The following EDIL3 variants were observed in gnomAD, a reference collection of about 807,000 sequenced individuals.
EDIL3 encodes the protein EGF-like repeat and discoidin I-like domain-containing protein 3.
EDIL3 carries 37 observed loss-of-function variants against 67.4 expected under a neutral mutation model. The ratio of observed to expected loss-of-function variants is 0.55; its 90% CI spans 0.42 to 0.72. The LOEUF (loss-of-function observed/expected upper bound fraction) is 0.72. EDIL3 is among the 30% of genes least tolerant of loss of function. The pLI, the probability that EDIL3 is intolerant of heterozygous loss-of-function variation, is 0.00. For missense variants in EDIL3, 527 were observed against 586.3 expected, an observed-to-expected ratio of 0.90 and a Z score of 1.04; for synonymous variants, 195 against 196.3, an observed-to-expected ratio of 0.99 and a Z score of 0.05.
At chr5:83,998,655 C>T (rs541450805) in intron 9 of EDIL3, among the ~76,000 whole-genome samples, 2 of 152,330 alleles carry the variant, frequency 1.3e-5, no homozygotes, top group South Asian at 4.1e-4. Flanking sequence ...ATTCCAGGCC[C>T]TAGTTCCCAA....
intron 1 of EDIL3, among the ~76,000 whole-genome samples, chr5:84,326,338 A>C (rs1277091288): frequency 1.3e-5 from 2 of 152,044 alleles, no homozygotes; most frequent in East Asian, 3.9e-4. Flanking sequence ...AGTAGTCAAA[A>C]ATGATAGAGA....
intron 4 of EDIL3, among the ~76,000 whole-genome samples, chr5:84,144,212 C>G (rs968208799): frequency 6.6e-6 from 1 of 151,948 alleles, no homozygotes; most frequent in Non-Finnish European, 1.5e-5. Flanking sequence ...TGAAGCACAT[C>G]CATCCATCCA....
intron 1 of EDIL3, among the ~76,000 whole-genome samples, chr5:84,324,404 A>G (rs1303416687): frequency 6.6e-6 from 1 of 151,922 alleles, no homozygotes; most frequent in Non-Finnish European, 1.5e-5. Context: ...AATTTGGGGA[A>G]CACAGTGAGT....
At chr5:84,150,077 A>G (rs1460771520) in intron 4 of EDIL3, among the ~76,000 whole-genome samples, 1 of 152,112 alleles carries the variant, frequency 6.6e-6, no homozygotes, top group East Asian at 1.9e-4. Context: ...CACAGATCTA[A>G]GCAGCTCAAT....
intron 1 of EDIL3, among the ~76,000 whole-genome samples, chr5:84,263,772 T>C (rs1022647811): frequency 2.6e-5 from 4 of 152,152 alleles, no homozygotes; most frequent in African/African-American, 4.8e-5. Context: ...TAGGTGCTGA[T>C]AGAAGCAACT....
In EDIL3 at chr5:84,031,880, C is replaced by T. The variant is rs550382303; in HGVS notation, c.1137+28420G>A. 1.1e-4 allele frequency among the ~76,000 whole-genome samples: 16 copies of T among 152,210 alleles called. No homozygotes were observed. In the South Asian group the frequency reaches 2.5e-3, roughly 24 times the overall value. On this transcript the variant is annotated intron_variant, in intron 9 of 10. Coordinates refer to ENST00000296591, the MANE Select transcript of EDIL3 (RefSeq NM_005711.5). ...TACAGAGGGATTTCAGTGTAATTTCCAATATGCTGGATATGTTACCACAGA... is the reference window on the plus strand; with the variant it reads ...TACAGAGGGATTTCAGTGTAATTTCTAATATGCTGGATATGTTACCACAGA...
chr5:84,381,302 CAT>C (rs1314026802), intron 1 of EDIL3, among the ~76,000 whole-genome samples: 1 of 152,102 alleles, frequency 6.6e-6, no homozygotes, highest in Non-Finnish European at 1.5e-5. Flanking sequence ...CAAACTTTCA[CAT>C]GAGAATACTT....
At chr5:84,184,825 C>T (rs1749080574) in intron 3 of EDIL3, among the ~76,000 whole-genome samples, 1 of 152,104 alleles carries the variant, frequency 6.6e-6, no homozygotes, top group African/African-American at 2.4e-5. Flanking sequence ...TACATTGGAG[C>T]TCATTTTATT....
chr5:84,215,292 C>T (rs1005395050), intron 3 of EDIL3, among the ~76,000 whole-genome samples: 8 of 151,942 alleles, frequency 5.3e-5, no homozygotes, highest in East Asian at 3.9e-4. Flanking sequence ...TTTGCTCTGT[C>T]GCCCAGGCTG....
chr5:84,042,708 T>A (rs856432), intron 9 of EDIL3, among the ~76,000 whole-genome samples: 150,966 of 152,288 alleles, frequency 0.99, 74,827 homozygotes, highest in East Asian at 1. Context: ...TGGATACAGA[T>A]ATCTTGTTAT....
intron 9 of EDIL3, among the ~76,000 whole-genome samples, chr5:83,964,613 G>GTTTCA (rs1744659445): frequency 1.3e-5 from 2 of 151,976 alleles, no homozygotes; most frequent in Admixed American, 1.3e-4. Context: ...TGACACAGAT[G>GTTTCA]CCCATCAGCA....
At chr5:83,985,824 T>C (rs1398532399) in intron 9 of EDIL3, among the ~76,000 whole-genome samples, 1 of 151,942 alleles carries the variant, frequency 6.6e-6, no homozygotes, top group Admixed American at 6.6e-5. Flanking sequence ...AAATTCACTA[T>C]TTTTATTTAC....
chr5:84,000,494 A>G (rs1401384817), intron 9 of EDIL3, among the ~76,000 whole-genome samples: 1 of 152,122 alleles, frequency 6.6e-6, no homozygotes, highest in Non-Finnish European at 1.5e-5. Flanking sequence ...TTAAATTGTC[A>G]TCTGTTGAAA....
At chr5:84,273,343 C>T (rs982646452) in intron 1 of EDIL3, among the ~76,000 whole-genome samples, 1 of 152,098 alleles carries the variant, frequency 6.6e-6, no homozygotes, top group Non-Finnish European at 1.5e-5. Flanking sequence ...AATTGTTCTG[C>T]TCTCCTTAGG....
At chr5:84,150,881 C>G (rs1748377579) in intron 4 of EDIL3, among the ~76,000 whole-genome samples, 2 of 152,100 alleles carry the variant, frequency 1.3e-5, no homozygotes, top group African/African-American at 2.4e-5. Flanking sequence ...ACAACCTGAT[C>G]TCAAAATAGT....
intron 6 of EDIL3, among the ~76,000 whole-genome samples, chr5:84,069,867 A>AG (rs1410015566): frequency 2.6e-5 from 4 of 152,070 alleles, no homozygotes; most frequent in African/African-American, 9.7e-5. Context: ...CCCAGACCCT[A>AG]GTGGGCACAC....
chr5:84,064,639 A>T (rs1382473185), intron 8 of EDIL3, 61 bp downstream of exon 8: 1 of 1,533,918 alleles, frequency 6.5e-7, no homozygotes, highest in African/African-American at 1.4e-5. Context: ...AACAGGCTAC[A>T]TACAAATATG....
At chr5:84,169,959 T>C (rs1053120325) in intron 4 of EDIL3, among the ~76,000 whole-genome samples, 18 of 152,192 alleles carry the variant, frequency 1.2e-4, no homozygotes, top group Non-Finnish European at 2.1e-4. Flanking sequence ...ATTTTCATCA[T>C]CTTTTTCTCC....
chr5:84,103,157 G>A (rs1032971425), intron 6 of EDIL3, among the ~76,000 whole-genome samples: 1 of 152,090 alleles, frequency 6.6e-6, no homozygotes, highest in African/African-American at 2.4e-5. Flanking sequence ...TGGGATAGTG[G>A]TTAGCCATAG....
Sources: allele counts gnomAD v4.1 joint callset (sites outside exome capture counted in the v4.1 genomes callset), GRCh38; gene constraint gnomAD v4.1.1; transcripts MANE v1.5; gene names NCBI Gene and HGNC (gene_info 2026-07-23, HGNC 2026-07-21).